Variants in SERINC2 observed in about 807,000 individuals in gnomAD.
The protein encoded by SERINC2 is tumor differentially expressed protein 2.
A neutral mutation model predicts 54.2 loss-of-function variants in SERINC2; 56 were observed. That is an observed-to-expected ratio of 1.03 (90% confidence interval 0.83 to 1.29). The LOEUF is 1.29. Among genes scored for constraint, SERINC2 ranks in the 50% most tolerant of loss-of-function variants. The pLI, the probability that SERINC2 is intolerant of heterozygous loss-of-function variation, is 0.00. For synonymous variants in SERINC2, 272 were observed against 253.1 expected (o/e 1.07, Z -0.71); for missense variants, 614 against 607.4 (o/e 1.01, Z -0.12).
upstream of SERINC2, among the ~76,000 whole-genome samples, chr1:31,411,515 T>C (rs1313414132): frequency 6.6e-6 from 1 of 152,094 alleles, no homozygotes; most frequent in Non-Finnish European, 1.5e-5. Flanking sequence ...GGGCATGTGC[T>C]CGGGTTGTTT....
intron 4 of SERINC2, 70 bp downstream of exon 4, chr1:31,425,479 G>T: frequency 8.6e-7 from 1 of 1,167,864 alleles, no homozygotes; most frequent in Non-Finnish European, 1.3e-6. Context: ...GGAGGAACGT[G>T]GTGGGGCTGC....
At chr1:31,427,800 T>G (rs1367581752) in intron 6 of SERINC2, among the ~76,000 whole-genome samples, 2 of 150,072 alleles carry the variant, frequency 1.3e-5, no homozygotes, top group African/African-American at 4.9e-5. Context: ...GAGTCTGTGC[T>G]CTGGTTTTCT....
chr1:31,432,284 G>C (rs1343489132), intron 8 of SERINC2, among the ~76,000 whole-genome samples: 1 of 151,766 alleles, frequency 6.6e-6, no homozygotes, highest in African/African-American at 2.4e-5. Context: ...GGGTGGCGGG[G>C]CTGGAATCCA....
At chr1:31,417,608 T>G (rs933523113) in intron 1 of SERINC2, among the ~76,000 whole-genome samples, 3 of 152,224 alleles carry the variant, frequency 2.0e-5, no homozygotes, top group African/African-American at 7.2e-5. Context: ...ACATTGACAC[T>G]GTTATGCAAC....
In SERINC2 at chr1:31,434,279, CCA is replaced by C; in HGVS notation, c.*84_*85del. ...CAGTGACAGCCAACCTGCCCCCTCC[CCA>C]CACCAATCAGCCAGGCTGAGCCCCC... On this transcript the variant is annotated 3_prime_UTR_variant, in exon 10 of 10. Transcript: ENST00000373709. 6.9e-7 allele frequency: 1 copy of C among 1,444,794 alleles called. No homozygotes were observed. The highest frequency in any genetic ancestry group is 1.2e-5 in the South Asian group (1 of 80,080). 89.5% of individuals were successfully genotyped at this position (1,444,794 alleles called of 1,614,324 possible). A position where few individuals can be genotyped will look rare whatever the true frequency, so the allele number is the denominator to read the frequency against.
chr1:31,409,993 C>G (rs80292445), upstream of SERINC2: 11 of 985,130 alleles, frequency 1.1e-5, no homozygotes, highest in African/African-American at 1.6e-5. Context: ...AAGTCAGAGT[C>G]TGCTTCCTTT....
At chr1:31,409,918 T>C (rs2148507204), upstream of SERINC2, 1 of 1,404,240 alleles carries the variant, frequency 7.1e-7, no homozygotes, top group Non-Finnish European at 9.7e-7. Context: ...CGTTCCTATG[T>C]TGCAGATTTG....
At chr1:31,425,630 C>T (rs372345342) in intron 4 of SERINC2, 146 bp from the exon 5 acceptor site, 66 of 1,087,464 alleles carry the variant, frequency 6.1e-5, no homozygotes, top group East Asian at 3.5e-4. Context: ...CCATATCCTG[C>T]CCTCTGTGCG....
chr1:31,413,200 G>C, upstream of SERINC2: 1 of 1,057,532 alleles, frequency 9.5e-7, no homozygotes, highest in South Asian at 4.3e-5. This position sits in a 1 kb window ranked among gnomAD's most constrained non-coding sequence, Gnocchi z 5.0. Flanking sequence ...GCCAGGCCCG[G>C]CACCCGGATC....
At chr1:31,422,822 A>G (rs897361491) in intron 1 of SERINC2, among the ~76,000 whole-genome samples, 12 of 152,172 alleles carry the variant, frequency 7.9e-5, no homozygotes, top group African/African-American at 2.7e-4. Context: ...ATAGTGTGTC[A>G]TCACCAGCCC....
intron 7 of SERINC2, 150 bp downstream of exon 7, chr1:31,429,218 G>T: frequency 1.0e-6 from 1 of 1,002,752 alleles, no homozygotes; most frequent in Non-Finnish European, 1.5e-6. Flanking sequence ...GGAGGGCCCC[G>T]TCTGTTCCTG....
chr1:31,432,164 A>AGAGGGTGGT (rs1641303581), intron 8 of SERINC2, among the ~76,000 whole-genome samples: 1 of 82,438 alleles, frequency 1.2e-5, no homozygotes. Flanking sequence ...GACAGGGTGG[A>AGAGGGTGGT]TAGGGTGGAT....
At chr1:31,432,181 G>C (rs1490180393) in intron 8 of SERINC2, among the ~76,000 whole-genome samples, 10 of 148,454 alleles carry the variant, frequency 6.7e-5, no homozygotes, top group East Asian at 2.0e-4. Context: ...GGATAGGGTG[G>C]ATAGGGTGGT....
At chr1:31,410,128 G>A, upstream of SERINC2, 1 of 1,406,702 alleles carries the variant, frequency 7.1e-7, no homozygotes, top group Non-Finnish European at 9.3e-7. Flanking sequence ...GCTGAATCCT[G>A]AATTCCAACC....
intron 7 of SERINC2, 67 bp downstream of exon 7, chr1:31,429,135 G>GTCCC: frequency 7.1e-7 from 1 of 1,410,492 alleles, no homozygotes; most frequent in Non-Finnish European, 1.0e-6. Context: ...CTACTGTGGG[G>GTCCC]CTGGGGACCC....
intron 1 of SERINC2, among the ~76,000 whole-genome samples, chr1:31,417,984 G>A (rs897483561): frequency 6.7e-5 from 10 of 148,648 alleles, no homozygotes; most frequent in Admixed American, 5.5e-4. Context: ...AGCCTCCCGC[G>A]TAGCTGGGAC....
At chr1:31,428,046 G>GT (rs755334802) in intron 6 of SERINC2, among the ~76,000 whole-genome samples, 12 of 150,356 alleles carry the variant, frequency 8.0e-5, no homozygotes, top group Non-Finnish European at 1.6e-4. Context: ...TTTTGTTTTT[G>GT]TTTTTTTGAG....
At chr1:31,423,650 G>C (rs782815198) in intron 1 of SERINC2, 43 bp from the exon 2 acceptor site, 1 of 1,590,088 alleles carries the variant, frequency 6.3e-7, no homozygotes, top group African/African-American at 1.3e-5. Flanking sequence ...TGCGCGCTTG[G>C]GCGGTGAAGG....
intron 8 of SERINC2, 46 bp downstream of exon 8, chr1:31,429,584 C>T (rs781902961): frequency 3.2e-6 from 5 of 1,548,890 alleles, no homozygotes; most frequent in Non-Finnish European, 4.4e-6. Flanking sequence ...ATTGAGGGCC[C>T]TGAGCCAGAG....
Sources: gnomAD v4.1 joint callset for allele counts (sites outside exome capture counted in the v4.1 genomes callset) on GRCh38, gnomAD v4.1.1 for gene constraint, Gnocchi (gnomAD v3.1) non-coding constraint, MANE v1.5 for transcripts, NCBI Gene and HGNC (gene_info 2026-07-23, HGNC 2026-07-21) for gene names.